The following ZFHX4 variants were observed in gnomAD, a reference collection of about 807,000 sequenced individuals.
ZFHX4 encodes the protein zinc finger homeobox protein 4.
Under a neutral mutation model 267.6 loss-of-function variants are expected in ZFHX4, and 56 were observed. The ratio of observed to expected loss-of-function variants is 0.21; its 90% CI spans 0.17 to 0.26. The LOEUF (loss-of-function observed/expected upper bound fraction) is 0.26. Among genes scored for constraint, ZFHX4 ranks in the 10% least tolerant of loss-of-function variants. The pLI, the probability that ZFHX4 is intolerant of heterozygous loss-of-function variation, is 1.00. For missense variants in ZFHX4, 4,332 were observed against 4,420.0 expected (o/e 0.98, Z 0.56); for synonymous variants, 1,778 against 1,665.6 (o/e 1.07, Z -1.64).
At position 76,856,180 on chromosome 8, in the gene ZFHX4, A is replaced by G. The variant is rs1391852177; in HGVS notation, c.9259A>G (p.Ser3087Gly). The G allele has an allele frequency of 4.3e-6, 7 of 1,614,004 alleles. No homozygotes were observed. The East Asian group carries it at 1.6e-4, about 36-fold the overall frequency. Residue 3087 changes from serine to glycine, a missense_variant, in exon 10 of 11, where the codon AGT (serine) becomes GGT (glycine). Transcript: ENST00000651372. ...TVQQPGMMDS[S>G]SLHGISLPTA... Reference sequence around the variant, plus strand: ...ACAGCAGCCAGGCATGATGGACAGCAGTTCTCTCCACGGCATCAGCCTGCC... The same window carrying G: ...ACAGCAGCCAGGCATGATGGACAGCGGTTCTCTCCACGGCATCAGCCTGCC...
At chr8:76,748,694 T>C (rs1485049634) in intron 3 of ZFHX4, among the ~76,000 whole-genome samples, 2 of 152,084 alleles carry the variant, frequency 1.3e-5, no homozygotes, top group African/African-American at 4.8e-5. Context: ...CCTCGGCCTC[T>C]CAAAGCGTGT....
At position 76,850,293 on chromosome 8, in the gene ZFHX4, G is replaced by A; in HGVS notation, c.3895G>A (p.Ala1299Thr). The part of the protein sequence containing the change: ...MMPNSMLLPA[A>T]ASEKSERDTP... ...GCCAAACAGTATGCTACTGCCAGCA[G>A]CTGCCTCTGAGAAATCAGAGCGGGA... Residue 1299 changes from alanine to threonine, a missense_variant, in exon 9 of 11, where the codon GCT becomes ACT. Physicochemically the swap from Ala to Thr is moderately conservative, Grantham distance 58 (BLOSUM62 0). This residue lies in a region of ZFHX4 where 1,371 missense variants were observed against 1,423.1 expected (regional missense o/e 0.96). Coordinates refer to ENST00000651372, the MANE Select transcript of ZFHX4 (RefSeq NM_024721.5). 1.2e-6 allele frequency: 2 copies of A among 1,613,374 alleles called. No homozygotes were observed. The highest frequency in any genetic ancestry group is 1.1e-5 in the South Asian group (1 of 90,862).
chr8:76,855,595 C>G lies in ZFHX4; in HGVS notation c.8674C>G (p.Pro2892Ala). 7 of 1,613,818 alleles carry G rather than the reference C, an allele frequency of 4.3e-6. No individual in the cohort carries two copies. The highest frequency in any genetic ancestry group is 5.9e-6 in the Non-Finnish European group (7 of 1,179,830). Residue 2892 changes from proline (P) to alanine (A), a missense_variant, in exon 10 of 11, where the codon CCG becomes GCG. Physicochemically the swap from Pro to Ala is conservative, Grantham distance 27. This residue lies in a region of ZFHX4 where 1,648 missense variants were observed against 1,625.0 expected (regional missense o/e 1.01). Coordinates refer to ENST00000651372, the MANE Select transcript of ZFHX4 (RefSeq NM_024721.5). ...CCAAAGCTTTTACATCACAGATGAC[C>G]CGGATGACAACGCCGACCGCAGCGA... ...HDQSFYITDD[P>A]DDNADRSETS...
At chr8:76,741,358 T>C (rs777465919) in intron 3 of ZFHX4, among the ~76,000 whole-genome samples, 11 of 152,258 alleles carry the variant, frequency 7.2e-5, no homozygotes, top group Admixed American at 2.0e-4. Context: ...TACAGCTCTG[T>C]TAGGGGAGAA....
At position 76,863,075 on chromosome 8, in the gene ZFHX4, T is replaced by C; in HGVS notation, c.9380-19T>C. 1 of 1,488,314 alleles carries C rather than the reference T, an allele frequency of 6.7e-7. No homozygotes were observed. The highest frequency in any genetic ancestry group is 1.4e-5 in the South Asian group (1 of 71,670). The allele number at this position is 1,488,314 out of a possible 1,614,324, so 92.2% of individuals were successfully genotyped here. A position where few individuals can be genotyped will look rare whatever the true frequency, so the allele number is the denominator to read the frequency against. On this transcript the variant is annotated intron_variant, in intron 10 of 10. Coordinates refer to ENST00000651372, the MANE Select transcript of ZFHX4 (RefSeq NM_024721.5). ...GGTCTGTACATTGACAGTGGCCATCTCTCTGTTGTTGTTTTCAGCTTTAAC... is the reference window on the plus strand; with the variant it reads ...GGTCTGTACATTGACAGTGGCCATCCCTCTGTTGTTGTTTTCAGCTTTAAC...
At chr8:76,819,410 C>A (rs1013863557) in intron 4 of ZFHX4, among the ~76,000 whole-genome samples, 1 of 152,048 alleles carries the variant, frequency 6.6e-6, no homozygotes, top group African/African-American at 2.4e-5. Flanking sequence ...TTGGAACTTC[C>A]GTAATGGGAC....
rs1807531967 is a variant in ZFHX4, at chr8:76,681,610, G to A, written c.-57G>A. The stretch of plus-strand genomic sequence containing the variant: ...GCGAAGATCGAGTAGGAACTGCAGG[G>A]GAAATGGAAAGTAAGTTTTTTCTTT... On this transcript the variant is annotated 5_prime_UTR_variant, in exon 1 of 11. Coordinates refer to ENST00000651372, the MANE Select transcript of ZFHX4 (RefSeq NM_024721.5). The A allele has an allele frequency of 1.0e-5, 4 of 396,696 alleles. No homozygotes were observed. Among genetic ancestry groups the A allele is most frequent in the African/African-American group, 2.1e-5 (1 of 48,550 alleles). 24.6% of individuals were successfully genotyped at this position (396,696 alleles called of 1,614,324 possible). A position where few individuals can be genotyped will look rare whatever the true frequency, so the allele number is the denominator to read the frequency against.
At chr8:76,804,927 T>A (rs1261738104) in intron 4 of ZFHX4, among the ~76,000 whole-genome samples, 1 of 152,092 alleles carries the variant, frequency 6.6e-6, no homozygotes, top group Non-Finnish European at 1.5e-5. Context: ...AGATTTGTCT[T>A]ACAAAACCCT....
chr8:76,846,036 A>C (rs1812355887), intron 6 of ZFHX4, among the ~76,000 whole-genome samples: 1 of 152,034 alleles, frequency 6.6e-6, no homozygotes, highest in Non-Finnish European at 1.5e-5. Flanking sequence ...CAATCATAAA[A>C]CTTAAAACCT....
At chr8:76,826,512 A>T (rs1442110610) in intron 4 of ZFHX4, among the ~76,000 whole-genome samples, 1 of 152,224 alleles carries the variant, frequency 6.6e-6, no homozygotes, top group South Asian at 2.1e-4. Flanking sequence ...CAGCTATTTG[A>T]AAAACGTAGT....
intron 4 of ZFHX4, among the ~76,000 whole-genome samples, chr8:76,794,912 G>C (rs1449374472): frequency 7.3e-6 from 1 of 136,676 alleles, no homozygotes; most frequent in African/African-American, 2.8e-5. Context: ...TGTGTGTGTG[G>C]ACAAATCAAG....
At chr8:76,798,433 AT>A (rs1811038370) in intron 4 of ZFHX4, among the ~76,000 whole-genome samples, 1 of 152,204 alleles carries the variant, frequency 6.6e-6, no homozygotes, top group Non-Finnish European at 1.5e-5. Flanking sequence ...GAAACTGATC[AT>A]TACAATCTGC....
intron 3 of ZFHX4, among the ~76,000 whole-genome samples, chr8:76,777,885 G>GTTTTTTT (rs200762181): frequency 3.8e-5 from 5 of 131,478 alleles, no homozygotes; most frequent in Admixed American, 7.5e-5. Context: ...TTTGTTTTTT[G>GTTTTTTT]TTTTTTTTTT....
At chr8:76,703,952 G>A (rs994826330) in intron 1 of ZFHX4, 91 bp from the exon 2 acceptor site, 4 of 925,456 alleles carry the variant, frequency 4.3e-6, no homozygotes, top group Admixed American at 3.0e-5. Flanking sequence ...AGATAGTCAC[G>A]TTTACAGCAG....
At chr8:76,734,930 A>G (rs370124451) in intron 3 of ZFHX4, among the ~76,000 whole-genome samples, 5 of 152,268 alleles carry the variant, frequency 3.3e-5, no homozygotes, top group African/African-American at 1.2e-4. Context: ...AACAGTGGGG[A>G]TCCCATTCTT....
intron 3 of ZFHX4, among the ~76,000 whole-genome samples, chr8:76,728,367 T>C (rs115979707): frequency 0.015 from 2,298 of 152,298 alleles, 66 homozygotes; most frequent in African/African-American, 0.051. Context: ...TCTCCAAACC[T>C]CATTTTAGCC....
chr8:76,855,678 T>C lies in ZFHX4; in HGVS notation c.8757T>C (p.Phe2919=). ...SPNPFGSSNP[F]KSKSNDRPGH... ...ATCCATTCGGATCCAGCAATCCCTT[T>C]AAATCCAAAAGTAATGATCGGCCGG... is the stretch of plus-strand genomic sequence containing the variant. The change falls in exon 10 of 11, where the codon TTT becomes TTC. Residue 2919 remains phenylalanine, a synonymous_variant. Transcript: ENST00000651372. 1.2e-6 allele frequency: 2 copies of C among 1,613,842 alleles called. No homozygotes were observed. The highest frequency in any genetic ancestry group is 1.7e-6 in the Non-Finnish European group (2 of 1,179,870).
At chr8:76,829,502 A>C (rs990398946) in intron 4 of ZFHX4, among the ~76,000 whole-genome samples, 1 of 152,094 alleles carries the variant, frequency 6.6e-6, no homozygotes, top group Admixed American at 6.6e-5. Flanking sequence ...GAGAACTTTC[A>C]TTCTTAACGA....
rs1812987612 is a variant in ZFHX4, at chr8:76,864,789, A to G, written c.*224A>G. 6.2e-6 allele frequency: 2 copies of G among 322,800 alleles called. No homozygotes were observed. The highest frequency in any genetic ancestry group is 5.6e-6 in the Non-Finnish European group (1 of 177,756). The allele number at this position is 322,800 out of a possible 1,614,324, so 20.0% of individuals were successfully genotyped here. A position where few individuals can be genotyped will look rare whatever the true frequency, so the allele number is the denominator to read the frequency against. On this transcript the variant is annotated 3_prime_UTR_variant, in exon 11 of 11. Transcript: ENST00000651372. Reference sequence around the variant, plus strand: ...ATGCGCTTGTACTATATGCTAAAATATGGAAAAGGAAAAAAAAATCTCACA... The same window carrying G: ...ATGCGCTTGTACTATATGCTAAAATGTGGAAAAGGAAAAAAAAATCTCACA...
Sources: gnomAD v4.1 joint callset for allele counts (sites outside exome capture counted in the v4.1 genomes callset) on GRCh38, gnomAD v4.1.1 for gene constraint, gnomAD v4.1.1 regional missense constraint, MANE v1.5 for transcripts, NCBI Gene and HGNC (gene_info 2026-07-23, HGNC 2026-07-21) for gene names.